Variants in SORCS1 observed in about 807,000 individuals in gnomAD.
The protein encoded by SORCS1 is VPS10 domain-containing receptor SorCS1.
A neutral mutation model predicts 146.1 loss-of-function variants in SORCS1; 60 were observed. The observed-to-expected ratio is 0.41, with a 90% CI of 0.33 to 0.51. The LOEUF (loss-of-function observed/expected upper bound fraction) is 0.51, where lower values mean the gene tolerates loss of function less well. SORCS1 is among the 20% of genes least tolerant of loss of function. The pLI is 0.21. For missense variants in SORCS1, 1,352 were observed against 1,487.6 expected (o/e 0.91, Z 1.50); for synonymous variants, 637 against 584.0 (o/e 1.09, Z -1.31).
chr10:106,880,568 C>T (rs1339817140), intron 2 of SORCS1, among the ~76,000 whole-genome samples: 3 of 152,066 alleles, frequency 2.0e-5, no homozygotes, highest in Non-Finnish European at 4.4e-5. Context: ...TGGAAGTGCT[C>T]AGAAATCTAT....
At chr10:106,891,504 C>CTTTTTTTTGTTTTTTTTTTTTTTT (rs1951231808) in intron 2 of SORCS1, among the ~76,000 whole-genome samples, 1 of 97,260 alleles carries the variant, frequency 1.0e-5, no homozygotes, top group Admixed American at 1.0e-4. Flanking sequence ...AATGGGAATT[C>CTTTTTTTTGTTTTTTTTTTTTTTT]TTTTTTTTTT....
chr10:106,948,686 GCAGTGCCTCACGCCTGTAATCCC>G (rs1422761202), intron 2 of SORCS1, among the ~76,000 whole-genome samples: 2 of 151,788 alleles, frequency 1.3e-5, no homozygotes, highest in Non-Finnish European at 2.9e-5. Context: ...TAGGCCGGGC[GCAGTGCCTCACGCCTGTAATCCC>G]AGCACTTTGG....
intron 1 of SORCS1, among the ~76,000 whole-genome samples, chr10:107,049,832 T>C (rs1490621521): frequency 6.6e-6 from 1 of 152,188 alleles, no homozygotes; most frequent in Non-Finnish European, 1.5e-5. Flanking sequence ...ATTTGGATTT[T>C]TAGGAGTAAA....
At chr10:106,676,577 A>G (rs1852044056) in intron 13 of SORCS1, among the ~76,000 whole-genome samples, 1 of 152,104 alleles carries the variant, frequency 6.6e-6, no homozygotes, top group Non-Finnish European at 1.5e-5. Flanking sequence ...GGGTGAAAGT[A>G]TTATCACATT....
the SORCS1 span, among the ~76,000 whole-genome samples, chr10:107,176,932 GTACT>G: frequency 2.6e-5 from 4 of 151,962 alleles, no homozygotes; most frequent in East Asian, 7.7e-4. Flanking sequence ...GGCTTAATTT[GTACT>G]TACTAAGAGA....
chr10:106,814,073 C>T (rs1490351577), intron 3 of SORCS1, among the ~76,000 whole-genome samples: 1 of 152,150 alleles, frequency 6.6e-6, no homozygotes, highest in Non-Finnish European at 1.5e-5. Context: ...CTGAGTCCTT[C>T]CTAGAAACCA....
intron 1 of SORCS1, among the ~76,000 whole-genome samples, chr10:107,096,693 G>A (rs938734792): frequency 6.6e-6 from 1 of 152,076 alleles, no homozygotes; most frequent in Non-Finnish European, 1.5e-5. Context: ...TGTAGTTTTA[G>A]TAGAGACAGG....
chr10:106,821,905 G>A lies in SORCS1; in HGVS notation c.726+7669C>T, dbSNP rs1358613047. Among the ~76,000 whole-genome samples the A allele has an allele frequency of 2.7e-5, 4 of 150,556 alleles. No homozygotes were observed. The South Asian group carries it at 8.4e-4, about 31-fold the overall frequency. ...CCACTGCACTCCAGCCTGGGTGACA[G>A]AGCAAGACTCCATCTCAAAAAAATA... is the stretch of plus-strand genomic sequence containing the variant. On this transcript the variant is annotated intron_variant, in intron 3 of 25. Transcript: ENST00000263054.
At chr10:106,578,717 G>T in intron 25 of SORCS1, 1 of 1,091,002 alleles carries the variant, frequency 9.2e-7, no homozygotes, top group Non-Finnish European at 1.1e-6. Flanking sequence ...ACCATGTCCT[G>T]CAAACCCTGC....
intron 1 of SORCS1, among the ~76,000 whole-genome samples, chr10:107,137,399 G>A (rs1039767220): frequency 7.9e-5 from 12 of 151,994 alleles, no homozygotes; most frequent in South Asian, 2.1e-4. Flanking sequence ...CTCCATCCCC[G>A]ACAACTCAAA....
At chr10:106,662,323 T>A (rs550030270) in intron 17 of SORCS1, among the ~76,000 whole-genome samples, 1 of 140,724 alleles carries the variant, frequency 7.1e-6, no homozygotes, top group African/African-American at 2.8e-5. Context: ...ATTTAAGAAC[T>A]TTTTTTTTTT....
intron 1 of SORCS1, among the ~76,000 whole-genome samples, chr10:107,129,982 T>C (rs138179837): frequency 5.3e-5 from 8 of 152,220 alleles, no homozygotes; most frequent in African/African-American, 1.4e-4. Flanking sequence ...ATCCACCTCA[T>C]CTAACTTGAG....
At chr10:107,122,776 T>C (rs1966481100) in intron 1 of SORCS1, among the ~76,000 whole-genome samples, 2 of 152,268 alleles carry the variant, frequency 1.3e-5, no homozygotes, top group East Asian at 1.9e-4. Context: ...TCTTCTCTTC[T>C]GAATTTGCAG....
At chr10:106,766,409 T>A (rs1485762264) in intron 4 of SORCS1, among the ~76,000 whole-genome samples, 1 of 152,182 alleles carries the variant, frequency 6.6e-6, no homozygotes, top group African/African-American at 2.4e-5. Context: ...GGACTTCATA[T>A]AAATTCCTAA....
At chr10:106,729,219 C>T (rs778196744) in intron 6 of SORCS1, among the ~76,000 whole-genome samples, 7 of 152,192 alleles carry the variant, frequency 4.6e-5, no homozygotes, top group Non-Finnish European at 1.0e-4. Context: ...ACCATATTAG[C>T]TTAGCTATAT....
intron 3 of SORCS1, among the ~76,000 whole-genome samples, chr10:106,817,027 T>C (rs986255626): frequency 6.6e-6 from 1 of 151,962 alleles, no homozygotes; most frequent in African/African-American, 2.4e-5. Flanking sequence ...TATTAGTGAG[T>C]GGAGAAAATA....
chr10:106,827,912 A>G lies in SORCS1; in HGVS notation c.726+1662T>C, dbSNP rs576501827. On this transcript the variant is annotated intron_variant, in intron 3 of 25. Coordinates refer to ENST00000263054, the MANE Select transcript of SORCS1 (RefSeq NM_052918.5). ...AACACTAGCCATATTTCAAACATTC[A>G]AAAGCCATAAATTGTTAATGTCTAA... 1.1e-4 allele frequency among the ~76,000 whole-genome samples: 16 copies of G among 152,376 alleles called. No homozygotes were observed. The South Asian group carries it at 2.9e-3, about 28-fold the overall frequency.
chr10:107,138,179 C>T (rs895673669), intron 1 of SORCS1, among the ~76,000 whole-genome samples: 2 of 152,096 alleles, frequency 1.3e-5, no homozygotes, highest in African/African-American at 4.8e-5. Context: ...TCCTCTATCT[C>T]CTAAATGATC....
chr10:106,890,091 A>C (rs561473719), intron 2 of SORCS1, among the ~76,000 whole-genome samples: 1 of 152,214 alleles, frequency 6.6e-6, no homozygotes, highest in South Asian at 2.1e-4. Context: ...AAACATAGTA[A>C]AGTTACCGGG....
Sources: gnomAD v4.1 joint callset for allele counts (sites outside exome capture counted in the v4.1 genomes callset) on GRCh38, gnomAD v4.1.1 for gene constraint, MANE v1.5 for transcripts, NCBI Gene and HGNC (gene_info 2026-07-23, HGNC 2026-07-21) for gene names.